Variants in SH2D4A observed in about 807,000 individuals in gnomAD.
The protein encoded by SH2D4A is SH2 domain containing 4A.
SH2D4A carries 70 observed loss-of-function variants against 64.7 expected under a neutral mutation model. The observed-to-expected ratio is 1.08, with a 90% CI of 0.89 to 1.32. The LOEUF is 1.32. Among genes scored for constraint, SH2D4A ranks in the 40% most tolerant of loss-of-function variants. SH2D4A has a pLI of 0.00. For synonymous variants in SH2D4A, 268 were observed against 200.7 expected (o/e 1.34, Z -2.83); for missense variants, 706 against 540.1 (o/e 1.31, Z -3.04).
At chr8:19,337,154 CT>C (rs1256794417) in intron 4 of SH2D4A, among the ~76,000 whole-genome samples, 1 of 151,986 alleles carries the variant, frequency 6.6e-6, no homozygotes, top group Non-Finnish European at 1.5e-5. Flanking sequence ...TATATTCCTG[CT>C]TTTTATCTTT....
intron 7 of SH2D4A, among the ~76,000 whole-genome samples, chr8:19,373,072 T>C (rs1214815395): frequency 1.3e-5 from 2 of 152,160 alleles, no homozygotes; most frequent in African/African-American, 2.4e-5. Context: ...CAGATGTTAA[T>C]TGGAAGTTAA....
chr8:19,357,516 A>G (rs556779315), intron 5 of SH2D4A, among the ~76,000 whole-genome samples: 1 of 152,330 alleles, frequency 6.6e-6, no homozygotes, highest in Admixed American at 6.5e-5. Context: ...AACTCCTCCC[A>G]GAAGATCTAA....
At chr8:19,346,057 T>G (rs1453669331) in intron 4 of SH2D4A, among the ~76,000 whole-genome samples, 1 of 152,270 alleles carries the variant, frequency 6.6e-6, no homozygotes, top group Admixed American at 6.5e-5. Flanking sequence ...TTTAAAATTT[T>G]TATTATACCG....
chr8:19,347,592 G>T (rs757574789), intron 4 of SH2D4A, among the ~76,000 whole-genome samples: 1 of 152,314 alleles, frequency 6.6e-6, no homozygotes, highest in East Asian at 1.9e-4. Context: ...AGTACTGACT[G>T]TCCTTGCCCC....
At chr8:19,368,402 A>G (rs193059426) in intron 7 of SH2D4A, among the ~76,000 whole-genome samples, 2 of 152,166 alleles carry the variant, frequency 1.3e-5, no homozygotes, top group Admixed American at 6.6e-5. Context: ...GAAAGATATC[A>G]TTGGTATTTT....
intron 2 of SH2D4A, among the ~76,000 whole-genome samples, chr8:19,324,736 C>T (rs2052249907): frequency 6.6e-6 from 1 of 152,154 alleles, no homozygotes; most frequent in South Asian, 2.1e-4. Flanking sequence ...GCTGGGGGAT[C>T]ATAGACTCCT....
chr8:19,389,427 A>C (rs1196106996), intron 8 of SH2D4A, among the ~76,000 whole-genome samples: 1 of 152,166 alleles, frequency 6.6e-6, no homozygotes, highest in Non-Finnish European at 1.5e-5. Context: ...GTTCAGTAGC[A>C]CATGTGGCAA....
At chr8:19,325,574 C>T (rs545998024) in intron 2 of SH2D4A, among the ~76,000 whole-genome samples, 4 of 152,250 alleles carry the variant, frequency 2.6e-5, no homozygotes, top group Admixed American at 6.5e-5. Context: ...TTTTGGGTAA[C>T]ACTGTCAACT....
intron 4 of SH2D4A, among the ~76,000 whole-genome samples, chr8:19,355,893 G>A (rs994008135): frequency 6.6e-6 from 1 of 152,182 alleles, no homozygotes; most frequent in Non-Finnish European, 1.5e-5. Context: ...CAGTTGATAG[G>A]CTAAACTTTT....
intron 2 of SH2D4A, among the ~76,000 whole-genome samples, chr8:19,320,258 C>T (rs761448114): frequency 2.0e-5 from 3 of 151,928 alleles, no homozygotes; most frequent in Non-Finnish European, 4.4e-5. Context: ...TAAACTTTTC[C>T]TCGTTATCAA....
At chr8:19,382,255 G>C (rs894257568) in intron 8 of SH2D4A, among the ~76,000 whole-genome samples, 1 of 152,114 alleles carries the variant, frequency 6.6e-6, no homozygotes, top group African/African-American at 2.4e-5. Context: ...TTAAAGGACA[G>C]TTTTGCCAGG....
chr8:19,391,947 G>T (rs2053500132), intron 8 of SH2D4A, among the ~76,000 whole-genome samples: 1 of 152,194 alleles, frequency 6.6e-6, no homozygotes, highest in South Asian at 2.1e-4. Flanking sequence ...TTGCTGAAAT[G>T]AAAAAGGGCA....
At chr8:19,317,963 G>A (rs1179839568) in intron 1 of SH2D4A, among the ~76,000 whole-genome samples, 3 of 151,684 alleles carry the variant, frequency 2.0e-5, no homozygotes, top group East Asian at 1.9e-4. Flanking sequence ...GTGTAGTGGC[G>A]CGATCTCGGC....
chr8:19,319,111 G>C (rs1483042155), intron 1 of SH2D4A, among the ~76,000 whole-genome samples: 1 of 151,102 alleles, frequency 6.6e-6, no homozygotes, highest in Non-Finnish European at 1.5e-5. Context: ...AGATTGACCT[G>C]TATAAAGTTA....
rs76557650 is a variant in SH2D4A, at chr8:19,363,569, C to T, written c.707-503C>T. Reference sequence around the variant, plus strand: ...AGCATCCCTTTAATTTTTTGTCTGTCAGGTTGCTTCTCATTCTGTCCTGCT... The same window carrying T: ...AGCATCCCTTTAATTTTTTGTCTGTTAGGTTGCTTCTCATTCTGTCCTGCT... On this transcript the variant is annotated intron_variant, in intron 6 of 9. Transcript: ENST00000265807. Among the ~76,000 whole-genome samples the T allele has an allele frequency of 9.3e-3, 1,417 of 152,204 alleles. 17 individuals carry two copies. Among genetic ancestry groups the T allele is most frequent in the African/African-American group, 0.032 (1,342 of 41,514 alleles).
chr8:19,329,845 G>C (rs916824827), intron 2 of SH2D4A, among the ~76,000 whole-genome samples: 6 of 152,188 alleles, frequency 3.9e-5, no homozygotes, highest in Admixed American at 2.6e-4. Context: ...TGATTGTGAA[G>C]CTTCCCTAGT....
rs748824486 is a variant in SH2D4A, at chr8:19,361,277, T to A, written c.669T>A (p.Cys223Ter). 6.2e-7 allele frequency: 1 copy of A among 1,612,544 alleles called. No individual in the cohort carries two copies. The highest frequency in any genetic ancestry group is 8.5e-7 in the Non-Finnish European group (1 of 1,179,506). ...QIEEERTKQI[C>*]KSWKEDSEWQ... ...AAGAAGAGAGAACGAAGCAGATTTG[T>A]AAGAGCTGGAAAGAAGACTCGGAAT... The change falls in exon 6 of 10, where the codon TGT (cysteine) becomes TGA (stop). Residue 223 changes from cysteine to a stop codon, truncating the protein, a stop_gained. Transcript: ENST00000265807. LOFTEE classifies it high-confidence loss of function.
At position 19,390,740 on chromosome 8, in the gene SH2D4A, C is replaced by T. The variant is rs184753496; in HGVS notation, c.1049-2578C>T. ...CAAGGAGTCTCCACTATGACCTGTG[C>T]TTTGCCATCAACATGATTGATTGGG... On this transcript the variant is annotated intron_variant, in intron 8 of 9. Coordinates refer to ENST00000265807, the MANE Select transcript of SH2D4A (RefSeq NM_022071.4). Among the ~76,000 whole-genome samples the T allele has an allele frequency of 7.3e-3, 1,111 of 152,316 alleles. 16 individuals are homozygous for T. Among genetic ancestry groups the T allele is most frequent in the Non-Finnish European group, 9.6e-3 (656 of 68,028 alleles).
intron 4 of SH2D4A, among the ~76,000 whole-genome samples, chr8:19,337,270 G>A (rs1311782943): frequency 6.6e-6 from 1 of 152,180 alleles, no homozygotes; most frequent in African/African-American, 2.4e-5. Flanking sequence ...GCTAGTGTGA[G>A]CCTTTAAAGA....
Sources: gnomAD v4.1 joint callset for allele counts (sites outside exome capture counted in the v4.1 genomes callset) on GRCh38, gnomAD v4.1.1 for gene constraint, MANE v1.5 for transcripts, NCBI Gene and HGNC (gene_info 2026-07-23, HGNC 2026-07-21) for gene names.